RORA: variants seen among roughly 807,000 people sequenced by gnomAD.
RORA encodes RAR related orphan receptor A, also known as nuclear receptor ROR-alpha.
RORA carries 7 observed loss-of-function variants against 69.5 expected under a neutral mutation model. The observed-to-expected ratio is 0.10, with a 90% CI of 0.06 to 0.19. The LOEUF is 0.19. RORA is among the 10% of genes least tolerant of loss of function. The pLI is 1.00. For missense variants in RORA, 457 were observed against 663.0 expected (o/e 0.69, Z 3.41); for synonymous variants, 261 against 240.8 (o/e 1.08, Z -0.78).
chr15:60,958,994 G>A (rs948264912), intron 1 of RORA, among the ~76,000 whole-genome samples: 15 of 152,150 alleles, frequency 9.9e-5, no homozygotes, highest in Non-Finnish European at 1.6e-4. Context: ...GCCAGACATC[G>A]AAACTCTTCA....
chr15:61,188,938 G>C (rs1457177784), intron 1 of RORA, among the ~76,000 whole-genome samples: 8 of 152,130 alleles, frequency 5.3e-5, no homozygotes, highest in Non-Finnish European at 1.2e-4. Flanking sequence ...AACTAATATT[G>C]CAAGTACTCA....
chr15:61,178,160 A>G (rs4775371), intron 1 of RORA, among the ~76,000 whole-genome samples: 116,181 of 152,048 alleles, frequency 0.76, 45,032 homozygotes, highest in East Asian at 0.87. Flanking sequence ...AACCTAATGT[A>G]TGTTTTTCAA....
intron 1 of RORA, among the ~76,000 whole-genome samples, chr15:60,705,416 T>A (rs1013097601): frequency 6.6e-6 from 1 of 152,226 alleles, no homozygotes; most frequent in Non-Finnish European, 1.5e-5. Context: ...CACAAGTATG[T>A]GCATAATGAT....
intron 1 of RORA, among the ~76,000 whole-genome samples, chr15:61,027,429 G>T (rs1217524415): frequency 1.3e-5 from 2 of 152,262 alleles, no homozygotes; most frequent in Non-Finnish European, 1.5e-5. Flanking sequence ...CATCTACTTT[G>T]TGTCAGACTT....
At chr15:61,080,591 T>C (rs2078524621) in intron 1 of RORA, among the ~76,000 whole-genome samples, 2 of 152,180 alleles carry the variant, frequency 1.3e-5, no homozygotes, top group South Asian at 4.1e-4. Flanking sequence ...ATCTTGTGCC[T>C]GGTATCATTA....
intron 1 of RORA, among the ~76,000 whole-genome samples, chr15:61,122,472 C>T (rs1444927116): frequency 6.6e-6 from 1 of 152,194 alleles, no homozygotes; most frequent in African/African-American, 2.4e-5. Flanking sequence ...AGTGAAGTGA[C>T]TTGCCTGAGG....
chr15:61,134,029 G>A (rs144276646), intron 1 of RORA, among the ~76,000 whole-genome samples: 61 of 152,306 alleles, frequency 4.0e-4, no homozygotes, highest in African/African-American at 1.3e-3. Context: ...GCAGACTCAA[G>A]CAGGTAGGTC....
intron 2 of RORA, among the ~76,000 whole-genome samples, chr15:60,540,226 C>T (rs919110159): frequency 1.3e-5 from 2 of 152,152 alleles, no homozygotes; most frequent in Non-Finnish European, 1.5e-5. Flanking sequence ...GGAACAATTA[C>T]GCTACATTTA....
intron 2 of RORA, among the ~76,000 whole-genome samples, chr15:60,615,506 G>C (rs150320742): frequency 1.3e-5 from 2 of 152,154 alleles, no homozygotes; most frequent in Non-Finnish European, 1.5e-5. Context: ...TGTACCGGGG[G>C]CTCCAGCAGC....
chr15:60,499,303 G>A (rs2141255987), intron 10 of RORA, among the ~76,000 whole-genome samples: 1 of 152,250 alleles, frequency 6.6e-6, no homozygotes, highest in South Asian at 2.1e-4. Flanking sequence ...AGGTGGAGGA[G>A]GGAGGATTGC....
intron 1 of RORA, among the ~76,000 whole-genome samples, chr15:60,866,164 A>G (rs924382878): frequency 6.6e-6 from 1 of 152,102 alleles, no homozygotes; most frequent in African/African-American, 2.4e-5. Flanking sequence ...ATCTAACTGT[A>G]TTTTTGTACC....
intron 1 of RORA, among the ~76,000 whole-genome samples, chr15:61,208,071 T>C (rs757404806): frequency 1.3e-5 from 2 of 152,196 alleles, no homozygotes; most frequent in Non-Finnish European, 2.9e-5. Context: ...CTCGCATTTC[T>C]CTAAGAGAGA....
intron 1 of RORA, among the ~76,000 whole-genome samples, chr15:61,212,707 A>G (rs1484161306): frequency 6.6e-6 from 1 of 152,060 alleles, no homozygotes; most frequent in African/African-American, 2.4e-5. Flanking sequence ...TTACTTTTTT[A>G]CACCTTATGT....
At position 60,697,743 on chromosome 15, in the gene RORA, C is replaced by T. The variant is rs2070925779; in HGVS notation, c.167-19057G>A. ...GAGACGTAAATTTCTAATTTTTATA[C>T]TTTCCTCAAATTTCATATGTTATTT... On this transcript the variant is annotated intron_variant, in intron 1 of 10. Coordinates refer to ENST00000335670, the MANE Select transcript of RORA (RefSeq NM_134261.3). Among the ~76,000 whole-genome samples the T allele has an allele frequency of 2.6e-5, 4 of 152,282 alleles. No homozygotes were observed. The South Asian group carries it at 8.3e-4, about 32-fold the overall frequency.
intron 1 of RORA, among the ~76,000 whole-genome samples, chr15:61,188,739 A>C (rs962202354): frequency 6.6e-6 from 1 of 152,226 alleles, no homozygotes; most frequent in Non-Finnish European, 1.5e-5. Context: ...AGGTGATAAA[A>C]GTGGCCCCAC....
chr15:60,844,130 C>A (rs1173687592), intron 1 of RORA, among the ~76,000 whole-genome samples: 9 of 152,274 alleles, frequency 5.9e-5, no homozygotes, highest in Non-Finnish European at 4.4e-5. Flanking sequence ...TCCTAGTCCC[C>A]TCACTTGTCT....
intron 1 of RORA, among the ~76,000 whole-genome samples, chr15:61,209,873 A>G (rs560227937): frequency 3.9e-5 from 6 of 152,344 alleles, no homozygotes; most frequent in African/African-American, 1.4e-4. Context: ...CTATTCTTGC[A>G]CTGACTTACT....
intron 1 of RORA, among the ~76,000 whole-genome samples, chr15:60,921,977 G>A (rs542549833): frequency 2.6e-5 from 4 of 152,064 alleles, no homozygotes; most frequent in East Asian, 1.9e-4. Context: ...CATGGACCCC[G>A]TCACTGAGCT....
chr15:61,125,963 A>G (rs2079139276), intron 1 of RORA, among the ~76,000 whole-genome samples: 1 of 152,264 alleles, frequency 6.6e-6, no homozygotes, highest in Non-Finnish European at 1.5e-5. Flanking sequence ...AAGCTGTGCT[A>G]TGATACCAAT....
Sources: gnomAD v4.1 joint callset for allele counts (sites outside exome capture counted in the v4.1 genomes callset) on GRCh38, gnomAD v4.1.1 for gene constraint, MANE v1.5 for transcripts, NCBI Gene and HGNC (gene_info 2026-07-23, HGNC 2026-07-21) for gene names.